The following EYA3 variants were observed in gnomAD, a reference collection of about 807,000 sequenced individuals.
EYA3 encodes the protein EYA transcriptional coactivator and phosphatase 3, also known as protein phosphatase EYA3.
EYA3 carries 39 observed loss-of-function variants against 80.0 expected under a neutral mutation model. The observed-to-expected ratio is 0.49, with a 90% CI of 0.38 to 0.64. The LOEUF (loss-of-function observed/expected upper bound fraction) is 0.64, where lower values mean the gene tolerates loss of function less well. Among genes scored for constraint, EYA3 ranks in the 30% least tolerant of loss-of-function variants. The pLI is 0.00. For synonymous variants in EYA3, 206 were observed against 232.8 expected (o/e 0.88, Z 1.05); for missense variants, 523 against 676.1 (o/e 0.77, Z 2.51).
intron 1 of EYA3, among the ~76,000 whole-genome samples, chr1:28,080,356 C>T (rs1645377027): frequency 6.6e-6 from 1 of 152,078 alleles, no homozygotes; most frequent in African/African-American, 2.4e-5. Flanking sequence ...GCTTGGGAGG[C>T]TGAGGCAGGA....
At chr1:28,040,855 A>AG (rs113342911) in intron 4 of EYA3, among the ~76,000 whole-genome samples, 1,767 of 62,050 alleles carry the variant, frequency 0.028, 15 homozygotes, top group Middle Eastern at 0.058. Context: ...GCGGAGGGGC[A>AG]GGGGGGGGTC....
At chr1:28,076,547 C>T (rs190382807) in intron 1 of EYA3, among the ~76,000 whole-genome samples, 113 of 151,384 alleles carry the variant, frequency 7.5e-4, no homozygotes, top group African/African-American at 2.6e-3. Flanking sequence ...TCTGTCTCTA[C>T]TAAAAATACA....
At chr1:28,079,822 G>T (rs1018009673) in intron 1 of EYA3, among the ~76,000 whole-genome samples, 1 of 151,236 alleles carries the variant, frequency 6.6e-6, no homozygotes, top group Non-Finnish European at 1.5e-5. Context: ...TAGAGACAGG[G>T]TCTCGCTATG....
At chr1:28,003,270 A>AAAC (rs139958121) in intron 11 of EYA3, among the ~76,000 whole-genome samples, 9,916 of 145,744 alleles carry the variant, frequency 0.068, 380 homozygotes, top group Middle Eastern at 0.1. Flanking sequence ...ACTCCGTCTC[A>AAAC]AACAACAACA....
chr1:28,024,041 C>A (rs1202006805), intron 7 of EYA3, among the ~76,000 whole-genome samples: 1 of 152,146 alleles, frequency 6.6e-6, no homozygotes, highest in Non-Finnish European at 1.5e-5. Context: ...GAGTTTGAGA[C>A]CAGCCTGGCC....
In EYA3 at chr1:27,974,434, G is replaced by A. The variant is rs781014940; in HGVS notation, c.*32C>T. On this transcript the variant is annotated 3_prime_UTR_variant, in exon 18 of 18. Transcript: ENST00000373871. ...TCCAGCTCCCTTCAGGAGTGAAAAG[G>A]AGCTCAAGGGGAAGGCTCCTCATTC... The A allele has an allele frequency of 2.5e-6, 4 of 1,579,402 alleles. No individual in the cohort carries two copies. Among genetic ancestry groups the A allele is most frequent in the Non-Finnish European group, 3.5e-6 (4 of 1,151,236 alleles).
In EYA3 at chr1:28,004,437, A is replaced by T. The variant is rs1380228993; in HGVS notation, c.910-18T>A. ...AATACCCGCTGAGGAAAGAAAATAT[A>T]AAAAATGAGTATATTTTCCAATTAC... is the stretch of plus-strand genomic sequence containing the variant. On this transcript the variant is annotated intron_variant, in intron 10 of 17. Transcript: ENST00000373871. 1 of 1,577,448 alleles carries T rather than the reference A, an allele frequency of 6.3e-7. No homozygotes were observed. Among genetic ancestry groups the T allele is most frequent in the South Asian group, 1.1e-5 (1 of 88,512 alleles).
intron 7 of EYA3, among the ~76,000 whole-genome samples, chr1:28,025,632 T>C (rs1435971543): frequency 6.6e-6 from 1 of 152,192 alleles, no homozygotes; most frequent in Non-Finnish European, 1.5e-5. Flanking sequence ...CCTGCAATTG[T>C]CATTAATAGC....
At chr1:28,055,010 T>C (rs1217025641) in intron 2 of EYA3, among the ~76,000 whole-genome samples, 1 of 152,234 alleles carries the variant, frequency 6.6e-6, no homozygotes, top group Non-Finnish European at 1.5e-5. Flanking sequence ...CAGACCTTTG[T>C]AGACACCTAG....
At chr1:28,047,856 G>T (rs1046786368) in intron 3 of EYA3, among the ~76,000 whole-genome samples, 3 of 152,096 alleles carry the variant, frequency 2.0e-5, no homozygotes, top group Non-Finnish European at 4.4e-5. Flanking sequence ...AGCCAGGATG[G>T]TCTCGATCTC....
intron 7 of EYA3, 65 bp downstream of exon 7, chr1:28,027,724 G>A: frequency 7.5e-6 from 12 of 1,596,212 alleles, no homozygotes; most frequent in Non-Finnish European, 1.0e-5. Flanking sequence ...TGGAGATACA[G>A]GTAGATTAAA....
At position 28,009,099 on chromosome 1, in the gene EYA3, G is replaced by T. The variant is rs1015678368; in HGVS notation, c.909+1848C>A. ...ATAGTTTGGTGGTTTCTCAAAAAGT[G>T]GAGCACAGAATTACAATAGCATCCA... is the stretch of plus-strand genomic sequence containing the variant. On this transcript the variant is annotated intron_variant, in intron 10 of 17. Coordinates refer to ENST00000373871, the MANE Select transcript of EYA3 (RefSeq NM_001990.4). The surrounding 1 kb of genome is among the most constrained non-coding windows in gnomAD (Gnocchi z 4.8). Among the ~76,000 whole-genome samples, 1 of 152,098 alleles carries T rather than the reference G, an allele frequency of 6.6e-6. No individual in the cohort carries two copies. Among genetic ancestry groups the T allele is most frequent in the African/African-American group, 2.4e-5 (1 of 41,418 alleles).
rs569480397 is a variant in EYA3 at position 28,069,050 on chromosome 1, G to A, written c.-68-10956C>T. On this transcript the variant is annotated intron_variant, in intron 1 of 17. Transcript: ENST00000373871. Reference sequence around the variant, plus strand: ...TCGAACTCCTGGTCTCAAGTGATCCGCCCGCCTTGGCCTCCCAAAGTGGGA... The same window carrying A: ...TCGAACTCCTGGTCTCAAGTGATCCACCCGCCTTGGCCTCCCAAAGTGGGA... 2.8e-4 allele frequency among the ~76,000 whole-genome samples: 43 copies of A among 151,960 alleles called. 1 individual carries two copies. The highest frequency in any genetic ancestry group is 1.2e-3 in the East Asian group (6 of 5,166).
intron 1 of EYA3, among the ~76,000 whole-genome samples, chr1:28,074,105 T>C (rs924817464): frequency 6.6e-6 from 1 of 152,212 alleles, no homozygotes; most frequent in African/African-American, 2.4e-5. Flanking sequence ...GATTGAAATG[T>C]AGGCTCTATT....
At chr1:28,027,762 AAC>A in intron 7 of EYA3, 25 bp downstream of exon 7, 5 of 1,612,164 alleles carry the variant, frequency 3.1e-6, no homozygotes, top group South Asian at 1.1e-5. Context: ...ATAATTTTAA[AAC>A]ACACACACAA....
rs1644315339 is a variant in EYA3 at position 28,053,124 on chromosome 1, A to C, written c.34-4698T>G. Among the ~76,000 whole-genome samples, 8 of 134,264 alleles carry C rather than the reference A, an allele frequency of 6.0e-5. No homozygotes were observed. In the Admixed American group the frequency reaches 6.7e-4, roughly 11 times the overall value. The allele number at this position is 134,264 out of a possible 152,430, so 88.1% of individuals were successfully genotyped here. On this transcript the variant is annotated intron_variant, in intron 2 of 17. Coordinates refer to ENST00000373871, the MANE Select transcript of EYA3 (RefSeq NM_001990.4). ...AGCCACGATTGTGCCACTGTACTCC[A>C]GTCTGGGTGACAAAATGAGACCCCG...
At chr1:28,064,116 G>A (rs1644740926) in intron 1 of EYA3, among the ~76,000 whole-genome samples, 1 of 151,962 alleles carries the variant, frequency 6.6e-6, no homozygotes, top group Admixed American at 6.5e-5. Flanking sequence ...ACACCAATAG[G>A]TTTTCTTAAT....
intron 1 of EYA3, among the ~76,000 whole-genome samples, chr1:28,084,567 ATATATATATATATATATATATATATATAT>A (rs1645548924): frequency 2.6e-4 from 2 of 7,734 alleles, no homozygotes; most frequent in East Asian, 5.8e-3. Context: ...ATATATATAT[ATATATATATATATATATATATATATATAT>A]TTTTTTTTTT....
At chr1:28,087,651 CAG>C (rs1263880511) in intron 1 of EYA3, among the ~76,000 whole-genome samples, 6 of 152,224 alleles carry the variant, frequency 3.9e-5, no homozygotes, top group African/African-American at 1.4e-4. Flanking sequence ...ATGCCGAAAA[CAG>C]AGCTGAACGT....
Sources: gnomAD v4.1 joint callset for allele counts (sites outside exome capture counted in the v4.1 genomes callset) on GRCh38, gnomAD v4.1.1 for gene constraint, Gnocchi (gnomAD v3.1) non-coding constraint, MANE v1.5 for transcripts, NCBI Gene and HGNC (gene_info 2026-07-23, HGNC 2026-07-21) for gene names.